CMSS1: variants seen among roughly 807,000 people sequenced by gnomAD.
CMSS1 encodes the protein protein CMSS1.
CMSS1 carries 33 observed loss-of-function variants against 43.5 expected under a neutral mutation model. The observed-to-expected ratio is 0.76, with a 90% confidence interval of 0.57 to 1.01. The LOEUF (loss-of-function observed/expected upper bound fraction) is 1.01. CMSS1 is among the 50% of genes least tolerant of loss of function. The pLI is 0.00. For missense variants in CMSS1, 313 were observed against 326.4 expected (o/e 0.96, Z 0.32); for synonymous variants, 115 against 117.2 (o/e 0.98, Z 0.12).
At chr3:100,108,709 CGTTT>C (rs760941608) in intron 1 of CMSS1, among the ~76,000 whole-genome samples, 5 of 152,128 alleles carry the variant, frequency 3.3e-5, no homozygotes, top group Admixed American at 6.6e-5. Context: ...GTCTGGCACT[CGTTT>C]GTTTGTTAGA....
chr3:99,839,988 T>C (rs953304130), intron 1 of CMSS1, among the ~76,000 whole-genome samples: 6 of 152,154 alleles, frequency 3.9e-5, no homozygotes, highest in African/African-American at 1.4e-4. Flanking sequence ...GATTTTGCCC[T>C]TCAGGGAATA....
At chr3:99,876,182 C>T in intron 1 of CMSS1, 1 of 985,408 alleles carries the variant, frequency 1.0e-6, no homozygotes, top group African/African-American at 1.7e-5. Flanking sequence ...GCGAGCGGGG[C>T]GCTGAGCGCG....
chr3:99,930,013 A>G lies in CMSS1; in HGVS notation c.64+111970A>G, dbSNP rs745953171. 9.3e-6 allele frequency: 15 copies of G among 1,611,422 alleles called. No homozygotes were observed. The African/African-American group carries it at 1.1e-4, about 11-fold the overall frequency. ...CATTTTTTCAGCCTTTAAAATGCCT[A>G]TGACCTCATCTCGAGCCTGTAGGAA... On this transcript the variant is annotated intron_variant, in intron 1 of 9. Coordinates refer to ENST00000421999, the MANE Select transcript of CMSS1 (RefSeq NM_032359.4).
At chr3:99,820,493 G>A (rs532400213) in intron 1 of CMSS1, among the ~76,000 whole-genome samples, 13 of 152,266 alleles carry the variant, frequency 8.5e-5, no homozygotes, top group Non-Finnish European at 1.6e-4. Context: ...CACCGCACCC[G>A]GCCAAGACTA....
At position 100,160,442 on chromosome 3, in the gene CMSS1, T is replaced by G; in HGVS notation, c.166T>G (p.Phe56Val). Reference protein sequence around the residue: ...SEKTKQPKECFLIQPKERKEN... With the variant: ...SEKTKQPKECVLIQPKERKEN... ...TATTTCTTAATAGCCTAAAGAATGT[T>G]TTTTGATACAACCAAAGGAAAGAAA... The change falls in exon 3 of 10, where the codon TTT (phenylalanine) becomes GTT (valine). Residue 56 changes from phenylalanine to valine, a missense_variant. Coordinates refer to ENST00000421999, the MANE Select transcript of CMSS1 (RefSeq NM_032359.4). The G allele has an allele frequency of 2.7e-6, 4 of 1,492,696 alleles. No homozygotes were observed. The highest frequency in any genetic ancestry group is 3.7e-6 in the Non-Finnish European group (4 of 1,074,060). 92.5% of individuals were successfully genotyped at this position (1,492,696 alleles called of 1,614,324 possible).
At chr3:100,017,002 A>C (rs1319086422) in intron 1 of CMSS1, among the ~76,000 whole-genome samples, 1 of 152,172 alleles carries the variant, frequency 6.6e-6, no homozygotes, top group Non-Finnish European at 1.5e-5. Context: ...ACAGTAATGG[A>C]GATCTTTAAA....
chr3:99,976,248 A>T (rs1214026475), intron 1 of CMSS1, among the ~76,000 whole-genome samples: 3 of 152,214 alleles, frequency 2.0e-5, no homozygotes, highest in Admixed American at 2.0e-4. Flanking sequence ...TGCTGCTATT[A>T]GTCTACTTGA....
chr3:100,096,574 C>T (rs1232609302), intron 1 of CMSS1, among the ~76,000 whole-genome samples: 1 of 150,832 alleles, frequency 6.6e-6, no homozygotes, highest in Non-Finnish European at 1.5e-5. Flanking sequence ...TAATTGAACA[C>T]ATGTTGATGG....
chr3:99,903,501 C>T (rs1187304454), intron 1 of CMSS1, among the ~76,000 whole-genome samples: 5 of 152,112 alleles, frequency 3.3e-5, no homozygotes, highest in East Asian at 1.9e-4. Flanking sequence ...CCACCTGCCT[C>T]GGCCTCCCAA....
At chr3:100,021,981 GAGAGA>G (rs2064833452) in intron 1 of CMSS1, among the ~76,000 whole-genome samples, 1 of 149,036 alleles carries the variant, frequency 6.7e-6, no homozygotes, top group East Asian at 2.0e-4. Flanking sequence ...GAGAGAGAGA[GAGAGA>G]GAGAGAGATA....
intron 1 of CMSS1, among the ~76,000 whole-genome samples, chr3:99,914,439 T>G (rs1292603228): frequency 6.6e-6 from 1 of 152,226 alleles, no homozygotes; most frequent in Non-Finnish European, 1.5e-5. Flanking sequence ...GTTAGATTTT[T>G]TTTTCCAGAA....
intron 1 of CMSS1, among the ~76,000 whole-genome samples, chr3:99,837,346 G>A (rs1403598584): frequency 6.6e-6 from 1 of 151,594 alleles, no homozygotes; most frequent in Non-Finnish European, 1.5e-5. Context: ...CTTCAAAAGT[G>A]ACTGATCTCA....
intron 1 of CMSS1, among the ~76,000 whole-genome samples, chr3:99,876,559 CTTTTTA>C (rs1172274396): frequency 6.6e-6 from 1 of 152,142 alleles, no homozygotes; most frequent in Non-Finnish European, 1.5e-5. Flanking sequence ...ATTCATTATA[CTTTTTA>C]TTTTTGGTTG....
chr3:99,859,499 C>G (rs1944135976), intron 1 of CMSS1, among the ~76,000 whole-genome samples: 1 of 152,218 alleles, frequency 6.6e-6, no homozygotes, highest in Non-Finnish European at 1.5e-5. Flanking sequence ...TAATACATTA[C>G]TTTTTCTTCC....
intron 1 of CMSS1, among the ~76,000 whole-genome samples, chr3:100,081,489 T>G (rs923474602): frequency 6.6e-6 from 1 of 152,194 alleles, no homozygotes; most frequent in Non-Finnish European, 1.5e-5. Context: ...TTATCTTCCA[T>G]GTATACTTAT....
At chr3:99,959,411 A>G (rs1576601667) in intron 1 of CMSS1, among the ~76,000 whole-genome samples, 1 of 152,222 alleles carries the variant, frequency 6.6e-6, no homozygotes, top group Admixed American at 6.5e-5. Flanking sequence ...CAGACTCCCA[A>G]AGTGCTGGGA....
At chr3:100,108,021 A>G (rs1242448616) in intron 1 of CMSS1, among the ~76,000 whole-genome samples, 2 of 152,134 alleles carry the variant, frequency 1.3e-5, no homozygotes, top group Non-Finnish European at 2.9e-5. Flanking sequence ...CTTAATGCCA[A>G]AACCATGAAA....
rs113556400 is a variant in CMSS1, at chr3:100,081,715, A to C, written c.65-65258A>C. 1.9e-3 allele frequency among the ~76,000 whole-genome samples: 291 copies of C among 152,310 alleles called. 1 individual carries two copies. Among genetic ancestry groups the C allele is most frequent in the African/African-American group, 6.5e-3 (271 of 41,564 alleles). On this transcript the variant is annotated intron_variant, in intron 1 of 9. Transcript: ENST00000421999. ...ATCCATCAATACAGGTAAATAGTAA[A>C]TGTTACAATGATACATCACATCTTT...
intron 1 of CMSS1, among the ~76,000 whole-genome samples, chr3:100,128,429 A>G (rs989839596): frequency 2.0e-5 from 3 of 152,242 alleles, no homozygotes; most frequent in African/African-American, 7.2e-5. Flanking sequence ...AACATAACAT[A>G]TGGTAGAGAG....
Sources: gnomAD v4.1 joint callset for allele counts (sites outside exome capture counted in the v4.1 genomes callset) on GRCh38, gnomAD v4.1.1 for gene constraint, MANE v1.5 for transcripts, NCBI Gene and HGNC (gene_info 2026-07-23, HGNC 2026-07-21) for gene names.